Variants in COG5 observed in about 807,000 individuals in gnomAD.
The protein encoded by COG5 is conserved oligomeric Golgi complex subunit 5.
In COG5, 86 loss-of-function variants were observed where a neutral mutation model predicts 110.4. The ratio of observed to expected loss-of-function variants is 0.78; its 90% CI spans 0.65 to 0.93. The LOEUF is 0.93. Among genes scored for constraint, COG5 ranks in the 40% least tolerant of loss-of-function variants. The pLI is 0.00. For missense variants in COG5, 1,077 were observed against 987.0 expected (o/e 1.09, Z -1.22); for synonymous variants, 360 against 334.6 (o/e 1.08, Z -0.83).
intron 10 of COG5, among the ~76,000 whole-genome samples, chr7:107,359,919 G>A (rs1172392536): frequency 6.6e-6 from 1 of 152,148 alleles, no homozygotes; most frequent in African/African-American, 2.4e-5. Context: ...TGACCTGCCT[G>A]CAGAAGGGAC....
chr7:107,278,116 G>A (rs73187338), intron 14 of COG5, among the ~76,000 whole-genome samples: 8 of 151,994 alleles, frequency 5.3e-5, no homozygotes, highest in East Asian at 1.9e-4. Flanking sequence ...AAAGCTGTTC[G>A]ATGTACATTT....
chr7:107,210,700 A>G (rs904894515), intron 20 of COG5, 95 bp from the exon 21 acceptor site: 2 of 1,348,166 alleles, frequency 1.5e-6, no homozygotes, highest in African/African-American at 2.9e-5. Context: ...AGTATTCCCA[A>G]GGTGAAACTG....
chr7:107,442,732 T>G (rs1166832766), intron 6 of COG5, among the ~76,000 whole-genome samples: 1 of 151,274 alleles, frequency 6.6e-6, no homozygotes, highest in Non-Finnish European at 1.5e-5. Flanking sequence ...ACTCTTTGGG[T>G]AGATGGCAGA....
At chr7:107,531,005 C>A (rs1472485908) in intron 5 of COG5, among the ~76,000 whole-genome samples, 1 of 152,040 alleles carries the variant, frequency 6.6e-6, no homozygotes, top group Non-Finnish European at 1.5e-5. Context: ...TCATGCCAAC[C>A]AAGAGAAACC....
intron 11 of COG5, among the ~76,000 whole-genome samples, chr7:107,316,809 G>C (rs1808805280): frequency 6.6e-6 from 1 of 151,754 alleles, no homozygotes; most frequent in African/African-American, 2.4e-5. Context: ...CCAGCCGGGG[G>C]GACACAGTGA....
At chr7:107,440,077 A>T (rs561242285) in intron 6 of COG5, among the ~76,000 whole-genome samples, 1 of 152,240 alleles carries the variant, frequency 6.6e-6, no homozygotes, top group East Asian at 1.9e-4. Context: ...ATGAACTGTT[A>T]TTTCTCCCAT....
chr7:107,244,825 A>C (rs1049196904), intron 17 of COG5, among the ~76,000 whole-genome samples: 6 of 152,194 alleles, frequency 3.9e-5, no homozygotes, highest in Non-Finnish European at 8.8e-5. Flanking sequence ...CTAACTAAAA[A>C]AAGTCTGAGG....
intron 7 of COG5, among the ~76,000 whole-genome samples, chr7:107,373,737 T>C (rs1180820350): frequency 6.6e-6 from 1 of 152,156 alleles, no homozygotes; most frequent in East Asian, 1.9e-4. Context: ...AAGCTAGAAG[T>C]TGAGACACTG....
chr7:107,324,437 TAC>T lies in COG5; in HGVS notation c.1108+1_1108+2del, dbSNP rs1809584719. 1.9e-6 allele frequency: 3 copies of T among 1,541,654 alleles called. No homozygotes were observed. Among genetic ancestry groups the T allele is most frequent in the Non-Finnish European group, 2.7e-6 (3 of 1,120,486 alleles). On this transcript the variant is annotated splice_donor_variant, in intron 11 of 21. Transcript: ENST00000297135. LOFTEE classifies it high-confidence loss of function. ...TAATTTTCAAAATAAGTAGTAAACTTACAGTTTGTTGCCATATGAAATTGAGA... is the reference window on the plus strand; with the variant it reads ...TAATTTTCAAAATAAGTAGTAAACTTAGTTTGTTGCCATATGAAATTGAGA...
intron 6 of COG5, among the ~76,000 whole-genome samples, chr7:107,457,477 G>C (rs1795737586): frequency 6.6e-6 from 1 of 151,992 alleles, no homozygotes; most frequent in South Asian, 2.1e-4. Flanking sequence ...GCCCAGGCTG[G>C]AGTGCAAGTG....
chr7:107,315,913 A>G (rs1008589489), intron 11 of COG5, among the ~76,000 whole-genome samples: 12 of 152,212 alleles, frequency 7.9e-5, no homozygotes, highest in African/African-American at 2.9e-4. Flanking sequence ...TTTTCTGTCT[A>G]CATATTGTAT....
In COG5 at chr7:107,444,717, G is replaced by A. The variant is rs541825376; in HGVS notation, c.539-32085C>T. Among the ~76,000 whole-genome samples the A allele has an allele frequency of 3.0e-4, 46 of 152,198 alleles. 1 individual carries two copies. The highest frequency in any genetic ancestry group is 2.7e-3 in the Admixed American group (41 of 15,278). On this transcript the variant is annotated intron_variant, in intron 6 of 21. Coordinates refer to ENST00000297135, the MANE Select transcript of COG5 (RefSeq NM_006348.5). ...AAAGAGCAAGGACTATGCCTCTCCT[G>A]TAATAAAAGAATAGCGATTTTCACA...
intron 6 of COG5, among the ~76,000 whole-genome samples, chr7:107,515,658 A>G (rs577331775): frequency 6.6e-5 from 10 of 152,152 alleles, no homozygotes; most frequent in Non-Finnish European, 1.0e-4. Flanking sequence ...TCCTGCCTCA[A>G]TTGAGGACTT....
At chr7:107,227,409 A>T (rs1487663349) in intron 19 of COG5, among the ~76,000 whole-genome samples, 1 of 146,478 alleles carries the variant, frequency 6.8e-6, no homozygotes, top group Non-Finnish European at 1.5e-5. Flanking sequence ...AGCTAGATAT[A>T]AAAAAAAAAG....
At chr7:107,418,009 T>C (rs983908583) in intron 6 of COG5, among the ~76,000 whole-genome samples, 6 of 152,194 alleles carry the variant, frequency 3.9e-5, no homozygotes, top group African/African-American at 1.4e-4. Flanking sequence ...CATAAAATTA[T>C]CTAAAAAGCT....
chr7:107,334,789 A>T (rs1215599534), intron 10 of COG5, among the ~76,000 whole-genome samples: 2 of 152,148 alleles, frequency 1.3e-5, no homozygotes, highest in Admixed American at 1.3e-4. Context: ...AAAGAAAAAA[A>T]AAAACAGTAA....
intron 6 of COG5, among the ~76,000 whole-genome samples, chr7:107,517,238 GA>G (rs1799986257): frequency 6.6e-6 from 1 of 151,930 alleles, no homozygotes; most frequent in South Asian, 2.1e-4. Context: ...TGGAAGAAAG[GA>G]TATCAGAGTC....
chr7:107,478,472 G>A (rs929785024), intron 6 of COG5, among the ~76,000 whole-genome samples: 7 of 151,340 alleles, frequency 4.6e-5, no homozygotes, highest in Non-Finnish European at 8.9e-5. Context: ...TCAACTCTGT[G>A]GTCCAAAAAT....
At chr7:107,330,886 G>A (rs1035871934) in intron 10 of COG5, among the ~76,000 whole-genome samples, 2 of 149,330 alleles carry the variant, frequency 1.3e-5, no homozygotes, top group Non-Finnish European at 3.0e-5. Context: ...GCAGTGGTGC[G>A]ATCTCAGCTC....
Sources: gnomAD v4.1 joint callset for allele counts (sites outside exome capture counted in the v4.1 genomes callset) on GRCh38, gnomAD v4.1.1 for gene constraint, MANE v1.5 for transcripts, NCBI Gene and HGNC (gene_info 2026-07-23, HGNC 2026-07-21) for gene names.